Variants in RBFOX1 observed in about 807,000 individuals in gnomAD.
The protein encoded by RBFOX1 is RNA binding protein fox-1 homolog 1.
Under a neutral mutation model 57.7 loss-of-function variants are expected in RBFOX1, and 8 were observed. The ratio of observed to expected loss-of-function variants is 0.14; its 90% CI spans 0.08 to 0.25. RBFOX1 has a LOEUF of 0.25. Ranked by LOEUF, RBFOX1 falls within the 10% of genes least tolerant of loss-of-function variation. RBFOX1 has a pLI of 1.00. For missense variants in RBFOX1, 611 were observed against 548.5 expected (o/e 1.11, Z -1.14); for synonymous variants, 326 against 222.4 (o/e 1.47, Z -4.15).
In RBFOX1 at chr16:5,890,207, T is replaced by G. The variant is rs60486161; in HGVS notation, c.351+22872T>G. Among the ~76,000 whole-genome samples, 870 of 152,286 alleles carry G rather than the reference T, an allele frequency of 5.7e-3. 10 individuals are homozygous for G. Among genetic ancestry groups the G allele is most frequent in the African/African-American group, 0.019 (802 of 41,550 alleles). ...GTACGATACTGTACCTCTTTAAGCC[T>G]CTTGTCCTCACCTATGATAATAATA... On this transcript the variant is annotated intron_variant, in intron 4 of 19. Coordinates refer to the RBFOX1 transcript ENST00000641259.
chr16:7,004,362 C>G (rs1025822089), intron 3 of RBFOX1, among the ~76,000 whole-genome samples: 6 of 152,088 alleles, frequency 3.9e-5, no homozygotes, highest in Non-Finnish European at 7.4e-5. Flanking sequence ...AAAGCAAAGA[C>G]AACATGGCAT....
chr16:6,247,099 C>T (rs946503627), intron 1 of RBFOX1, among the ~76,000 whole-genome samples: 2 of 152,136 alleles, frequency 1.3e-5, no homozygotes, highest in Non-Finnish European at 2.9e-5. Context: ...AAATTCTGAC[C>T]ACTGTAGCAT....
chr16:7,566,483 C>G (rs947841745), intron 5 of RBFOX1, among the ~76,000 whole-genome samples: 1 of 152,138 alleles, frequency 6.6e-6, no homozygotes, highest in Non-Finnish European at 1.5e-5. Flanking sequence ...GTTTAGGATA[C>G]GGAATTAGAT....
intron 4 of RBFOX1, among the ~76,000 whole-genome samples, chr16:7,232,327 G>C (rs1292363456): frequency 2.6e-5 from 4 of 152,188 alleles, no homozygotes; most frequent in African/African-American, 9.7e-5. Flanking sequence ...ACTTAAGTGA[G>C]ATATATAACT....
chr16:5,672,544 G>A (rs1214802266), intron 3 of RBFOX1, among the ~76,000 whole-genome samples: 1 of 152,190 alleles, frequency 6.6e-6, no homozygotes, highest in African/African-American at 2.4e-5. Flanking sequence ...GAAACAGTAA[G>A]TGCGCCACGT....
intron 5 of RBFOX1, among the ~76,000 whole-genome samples, chr16:7,534,926 G>A (rs1459668909): frequency 6.6e-6 from 1 of 152,154 alleles, no homozygotes; most frequent in Non-Finnish European, 1.5e-5. Context: ...GGCTTTCTGA[G>A]AATTCAGTGT....
intron 2 of RBFOX1, among the ~76,000 whole-genome samples, chr16:6,598,760 A>G (rs1009834396): frequency 1.3e-5 from 2 of 152,094 alleles, no homozygotes. Context: ...AGCCGGACCA[A>G]TATGGTGAAA....
At chr16:7,671,000 T>C (rs572013361) in intron 13 of RBFOX1, among the ~76,000 whole-genome samples, 11 of 152,288 alleles carry the variant, frequency 7.2e-5, no homozygotes, top group African/African-American at 2.6e-4. Context: ...ATACTCACAG[T>C]TCTCTAGTCT....
At chr16:6,717,465 T>G (rs946707435) in intron 3 of RBFOX1, among the ~76,000 whole-genome samples, 1 of 152,156 alleles carries the variant, frequency 6.6e-6, no homozygotes, top group African/African-American at 2.4e-5. Context: ...TTGGCACTTG[T>G]TACGTTAAAC....
At chr16:7,602,965 C>T (rs985380216) in intron 9 of RBFOX1, among the ~76,000 whole-genome samples, 1 of 152,142 alleles carries the variant, frequency 6.6e-6, no homozygotes, top group Non-Finnish European at 1.5e-5. Context: ...CATGGAAATT[C>T]AACAGTGTGC....
intron 1 of RBFOX1, among the ~76,000 whole-genome samples, chr16:5,348,061 A>C (rs1271036752): frequency 9.2e-6 from 1 of 108,474 alleles, no homozygotes; most frequent in Non-Finnish European, 1.8e-5. Context: ...CCTTCCACTC[A>C]GTCACCCTCT....
At chr16:7,095,346 C>G (rs951065472) in intron 4 of RBFOX1, among the ~76,000 whole-genome samples, 1 of 152,162 alleles carries the variant, frequency 6.6e-6, no homozygotes, top group African/African-American at 2.4e-5. Context: ...CTATATTGGC[C>G]AGGCTGGTCT....
chr16:6,849,417 C>G (rs1386274561), intron 3 of RBFOX1, among the ~76,000 whole-genome samples: 2 of 152,278 alleles, frequency 1.3e-5, no homozygotes, highest in Non-Finnish European at 2.9e-5. Flanking sequence ...ACCTGTAATA[C>G]TAACACTTGG....
intron 4 of RBFOX1, among the ~76,000 whole-genome samples, chr16:7,476,126 C>T (rs1333894087): frequency 1.3e-5 from 2 of 152,052 alleles, no homozygotes; most frequent in African/African-American, 4.8e-5. Context: ...TCACCACACC[C>T]AGCAAATTTT....
intron 4 of RBFOX1, among the ~76,000 whole-genome samples, chr16:7,420,267 G>A (rs1192355281): frequency 6.6e-6 from 1 of 152,110 alleles, no homozygotes; most frequent in Non-Finnish European, 1.5e-5. Flanking sequence ...CGTCCTATTA[G>A]ATTTTAAGGA....
intron 1 of RBFOX1, among the ~76,000 whole-genome samples, chr16:5,315,029 C>A (rs947509023): frequency 1.3e-5 from 2 of 152,016 alleles, no homozygotes; most frequent in Non-Finnish European, 2.9e-5. Context: ...CTGTGAGATG[C>A]CCTTGTGCCA....
intron 3 of RBFOX1, among the ~76,000 whole-genome samples, chr16:5,855,345 T>G (rs2056998000): frequency 6.6e-6 from 1 of 152,254 alleles, no homozygotes; most frequent in South Asian, 2.1e-4. Context: ...TTTGGTAACC[T>G]TACGGTTCAA....
At chr16:5,840,582 T>C (rs1474657088) in intron 3 of RBFOX1, among the ~76,000 whole-genome samples, 1 of 152,148 alleles carries the variant, frequency 6.6e-6, no homozygotes, top group Non-Finnish European at 1.5e-5. Context: ...AGAAGAGGCT[T>C]AAATGGGGGA....
At chr16:6,387,901 A>G (rs571965426) in intron 2 of RBFOX1, among the ~76,000 whole-genome samples, 1 of 149,748 alleles carries the variant, frequency 6.7e-6, no homozygotes, top group South Asian at 2.1e-4. Flanking sequence ...AGCACTGTGT[A>G]CCCCAGTCAC....
Sources: allele counts gnomAD v4.1 joint callset (sites outside exome capture counted in the v4.1 genomes callset), GRCh38; gene constraint gnomAD v4.1.1; transcripts MANE v1.5; gene names NCBI Gene and HGNC (gene_info 2026-07-23, HGNC 2026-07-21).